PDGFC: variants seen among roughly 807,000 people sequenced by gnomAD.
The protein encoded by PDGFC is platelet-derived growth factor C.
Under a neutral mutation model 35.5 loss-of-function variants are expected in PDGFC, and 12 were observed. The observed-to-expected ratio is 0.34, with a 90% confidence interval of 0.22 to 0.55. PDGFC has a LOEUF of 0.55. PDGFC is among the 20% of genes least tolerant of loss of function. PDGFC has a pLI of 0.91. For missense variants in PDGFC, 322 were observed against 412.4 expected (o/e 0.78, Z 1.90); for synonymous variants, 159 against 148.8 (o/e 1.07, Z -0.50).
chr4:156,788,716 T>C (rs1731196111), intron 3 of PDGFC, among the ~76,000 whole-genome samples: 1 of 152,238 alleles, frequency 6.6e-6, no homozygotes. Context: ...AGTTGGTTAA[T>C]ATGAATGCTC....
intron 1 of PDGFC, among the ~76,000 whole-genome samples, chr4:156,918,558 C>T (rs1042858548): frequency 6.6e-6 from 1 of 152,146 alleles, no homozygotes; most frequent in African/African-American, 2.4e-5. Flanking sequence ...GCCTGAGCTC[C>T]GCCTCCCGTC....
At chr4:156,840,986 G>A (rs1002916918) in intron 2 of PDGFC, among the ~76,000 whole-genome samples, 1 of 152,122 alleles carries the variant, frequency 6.6e-6, no homozygotes, top group African/African-American at 2.4e-5. Flanking sequence ...TAACTAACTT[G>A]CTTTTGATTT....
chr4:156,823,665 C>G (rs6855557), intron 2 of PDGFC, among the ~76,000 whole-genome samples: 9,037 of 152,040 alleles, frequency 0.059, 878 homozygotes, highest in African/African-American at 0.21. Context: ...AGCCATTGTG[C>G]AAAATACTGT....
In PDGFC at chr4:156,971,083, C is replaced by T. The variant is rs911493988; in HGVS notation, c.-180G>A. The T allele has an allele frequency of 3.9e-5, 22 of 571,134 alleles. No individual in the cohort carries two copies. The African/African-American group carries it at 4.1e-4, about 11-fold the overall frequency. The allele number at this position is 571,134 out of a possible 1,614,324, so 35.4% of individuals were successfully genotyped here. A position where few individuals can be genotyped will look rare whatever the true frequency, so the allele number is the denominator to read the frequency against. On this transcript the variant is annotated 5_prime_UTR_variant, in exon 1 of 6. Transcript: ENST00000502773. ...CCATCCAAAACTTTTTCCTAGAGCC[C>T]TCTTCTGTGTCTCCAGTTTTTGAAA...
chr4:156,929,858 G>A (rs759365751), intron 1 of PDGFC, among the ~76,000 whole-genome samples: 1 of 152,144 alleles, frequency 6.6e-6, no homozygotes, highest in Non-Finnish European at 1.5e-5. Context: ...CAAGATGCCT[G>A]TGTTGACAGG....
At chr4:156,833,802 C>A (rs961360500) in intron 2 of PDGFC, among the ~76,000 whole-genome samples, 2 of 152,078 alleles carry the variant, frequency 1.3e-5, no homozygotes, top group African/African-American at 4.8e-5. Context: ...AAGTAAGCTT[C>A]CTTGTAAAAT....
intron 3 of PDGFC, among the ~76,000 whole-genome samples, chr4:156,791,052 T>C (rs1411226647): frequency 6.6e-6 from 1 of 152,178 alleles, no homozygotes; most frequent in Non-Finnish European, 1.5e-5. Context: ...TGCGGCTCTC[T>C]GGCTTTGGGC....
At chr4:156,871,966 T>C (rs557462856) in intron 1 of PDGFC, among the ~76,000 whole-genome samples, 1 of 152,160 alleles carries the variant, frequency 6.6e-6, no homozygotes, top group African/African-American at 2.4e-5. Context: ...AATAAATCTA[T>C]GGTTTTATTG....
chr4:156,938,485 G>A (rs1322771392), intron 1 of PDGFC, among the ~76,000 whole-genome samples: 1 of 151,988 alleles, frequency 6.6e-6, no homozygotes, highest in South Asian at 2.1e-4. Context: ...TTGAGGGAAG[G>A]AAATATTCCA....
intron 1 of PDGFC, among the ~76,000 whole-genome samples, chr4:156,856,175 A>C (rs1031220955): frequency 6.6e-6 from 1 of 152,168 alleles, no homozygotes; most frequent in Non-Finnish European, 1.5e-5. Flanking sequence ...CAACTATTCC[A>C]ATTACACAAA....
chr4:156,781,526 A>C (rs1730979469), intron 3 of PDGFC, among the ~76,000 whole-genome samples: 1 of 152,156 alleles, frequency 6.6e-6, no homozygotes, highest in Non-Finnish European at 1.5e-5. Context: ...AACTCAATGG[A>C]AGGGCTTTGT....
chr4:156,775,788 A>C (rs1431711387), intron 3 of PDGFC, among the ~76,000 whole-genome samples: 1 of 152,242 alleles, frequency 6.6e-6, no homozygotes, highest in Non-Finnish European at 1.5e-5. Context: ...CTGTATGTAT[A>C]GATCAGTTGG....
At chr4:156,784,667 C>A (rs536770068) in intron 3 of PDGFC, among the ~76,000 whole-genome samples, 2 of 152,000 alleles carry the variant, frequency 1.3e-5, no homozygotes, top group South Asian at 4.1e-4. Flanking sequence ...TGTATATTTG[C>A]AATTAGAAAA....
chr4:156,871,332 T>A lies in PDGFC; in HGVS notation c.119-20916A>T, dbSNP rs541075518. ...TTATTTTTCCCCCCCTGGCAAAGAC[T>A]GCAGATCGAGAAAACTAGCAATTAT... On this transcript the variant is annotated intron_variant, in intron 1 of 5. Coordinates refer to ENST00000502773, the MANE Select transcript of PDGFC (RefSeq NM_016205.3). 4.0e-3 allele frequency among the ~76,000 whole-genome samples: 604 copies of A among 152,236 alleles called. 1 individual carries two copies. The highest frequency in any genetic ancestry group is 0.014 in the African/African-American group (580 of 41,564).
chr4:156,909,687 G>A (rs1181521909), intron 1 of PDGFC, among the ~76,000 whole-genome samples: 2 of 152,162 alleles, frequency 1.3e-5, no homozygotes, highest in East Asian at 1.9e-4. Flanking sequence ...CTGAACAATA[G>A]AATTATCACT....
chr4:156,933,460 C>T (rs1225926246), intron 1 of PDGFC, among the ~76,000 whole-genome samples: 1 of 152,202 alleles, frequency 6.6e-6, no homozygotes, highest in Admixed American at 6.5e-5. Context: ...ATATGCTCTG[C>T]CTTCTTGTTC....
intron 1 of PDGFC, chr4:156,967,645 G>A (rs1373721644): frequency 6.6e-6 from 1 of 152,138 alleles, no homozygotes; most frequent in East Asian, 1.9e-4. Context: ...GTATGCAACA[G>A]ACAAAGTAGG....
At chr4:156,892,342 A>T (rs1024612009) in intron 1 of PDGFC, among the ~76,000 whole-genome samples, 1 of 152,202 alleles carries the variant, frequency 6.6e-6, no homozygotes, top group African/African-American at 2.4e-5. Context: ...GGAAATCCTG[A>T]TAGCAACTAA....
rs397878245 is a variant in PDGFC, at chr4:156,822,356, CA to C, written c.315-11340del. ...CCTGGGAGACGGAGTGAAACTGTCT[CA>C]AAAAAAAAAAAAAAAAAAAAGTGCA... On this transcript the variant is annotated intron_variant, in intron 2 of 5. Coordinates refer to ENST00000502773, the MANE Select transcript of PDGFC (RefSeq NM_016205.3). Among the ~76,000 whole-genome samples, 219 of 70,282 alleles carry C rather than the reference CA, an allele frequency of 3.1e-3. 1 individual carries two copies. Among genetic ancestry groups the C allele is most frequent in the East Asian group, 0.027 (53 of 1,984 alleles). 46.1% of individuals were successfully genotyped at this position (70,282 alleles called of 152,430 possible). A position where few individuals can be genotyped will look rare whatever the true frequency, so the allele number is the denominator to read the frequency against.
Sources: gnomAD v4.1 joint callset for allele counts (sites outside exome capture counted in the v4.1 genomes callset) on GRCh38, gnomAD v4.1.1 for gene constraint, MANE v1.5 for transcripts, NCBI Gene and HGNC (gene_info 2026-07-23, HGNC 2026-07-21) for gene names.